The following SI variants were observed in gnomAD, a reference collection of about 807,000 sequenced individuals.
The protein encoded by SI is sucrase-isomaltase, also known as sucrase-isomaltase, intestinal.
Under a neutral mutation model 253.3 loss-of-function variants are expected in SI, and 235 were observed. The ratio of observed to expected loss-of-function variants is 0.93; its 90% CI spans 0.83 to 1.03. SI has a LOEUF of 1.03. SI is among the 50% of genes least tolerant of loss of function. SI has a pLI of 0.00. For missense variants in SI, 2,442 were observed against 2,211.1 expected (o/e 1.10, Z -2.09); for synonymous variants, 819 against 712.0 (o/e 1.15, Z -2.39).
chr3:164,992,880 A>T (rs913465717), intron 41 of SI, among the ~76,000 whole-genome samples: 1 of 151,826 alleles, frequency 6.6e-6, no homozygotes, highest in African/African-American at 2.4e-5. Flanking sequence ...TAACATGTTA[A>T]TGGATTTCTG....
rs1401165760 is a variant in SI at position 165,026,998 on chromosome 3, CA to C, written c.2893-3223del. 2.0e-5 allele frequency among the ~76,000 whole-genome samples: 3 copies of C among 150,656 alleles called. No individual in the cohort carries two copies. In the Admixed American group the frequency reaches 2.0e-4, roughly 10 times the overall value. On this transcript the variant is annotated intron_variant, in intron 25 of 47. Coordinates refer to ENST00000264382, the MANE Select transcript of SI (RefSeq NM_001041.4). ...GGAGCATAACTAAATGAAATTGAAA[CA>C]AAAAAATACAAAAGACAACTGAAAC...
At chr3:165,017,508 T>C (rs202231057) in intron 31 of SI, 40 bp downstream of exon 31, 306 of 1,577,304 alleles carry the variant, frequency 1.9e-4, no homozygotes, top group Non-Finnish European at 2.5e-4. Flanking sequence ...TACTTTTACG[T>C]ATTCCATATT....
intron 40 of SI, among the ~76,000 whole-genome samples, chr3:164,996,132 A>G (rs930286789): frequency 1.1e-4 from 17 of 151,600 alleles, no homozygotes; most frequent in African/African-American, 3.9e-4. Flanking sequence ...ATTTCTACCC[A>G]AGTTTCCAGT....
At chr3:165,083,991 C>T in the SI span, among the ~76,000 whole-genome samples, 3 of 151,948 alleles carry the variant, frequency 2.0e-5, no homozygotes, top group African/African-American at 7.2e-5. Context: ...TTGGATGGTG[C>T]TATGGTCTGA....
At chr3:165,025,248 C>A (rs1200607476) in intron 25 of SI, among the ~76,000 whole-genome samples, 3 of 151,066 alleles carry the variant, frequency 2.0e-5, no homozygotes, top group Admixed American at 1.3e-4. Flanking sequence ...GAGGAAAGAA[C>A]TTCAGAGCTT....
rs772385303 is a variant in SI at position 165,049,157 on chromosome 3, T to A, written c.1685A>T (p.Tyr562Phe). The A allele has an allele frequency of 8.7e-6, 14 of 1,603,980 alleles. No homozygotes were observed. Among genetic ancestry groups the A allele is most frequent in the Non-Finnish European group, 1.1e-5 (13 of 1,170,976 alleles). The stretch of plus-strand genomic sequence containing the variant: ...TGTGGCTATAGCCATGCTGTATCCA[T>A]AGAGGCTATGAACATCATACTGTTT... ...WGKQYDVHSL[Y>F]GYSMAIATEQ... is the part of the protein sequence containing the mutation. Residue 562 changes from tyrosine (Y) to phenylalanine (F), a missense_variant, in exon 15 of 48, where the codon TAT (tyrosine) becomes TTT (phenylalanine). Tyr to Phe is a conservative substitution (Grantham distance 22, BLOSUM62 3). Coordinates refer to ENST00000264382, the MANE Select transcript of SI (RefSeq NM_001041.4).
At position 165,018,079 on chromosome 3, in the gene SI, A is replaced by C; in HGVS notation, c.3424-13T>G. Reference sequence around the variant, plus strand: ...AATTAAGTTTGTACTGAAATACGAAAAATAAGCACAATATATTTTAAGTAA... The same window carrying C: ...AATTAAGTTTGTACTGAAATACGAACAATAAGCACAATATATTTTAAGTAA... On this transcript the variant is annotated splice_polypyrimidine_tract_variant and intron_variant, in intron 28 of 47. Transcript: ENST00000264382. 7.2e-7 allele frequency: 1 copy of C among 1,382,488 alleles called. No homozygotes were observed. The highest frequency in any genetic ancestry group is 1.0e-6 in the Non-Finnish European group (1 of 969,248). 85.6% of individuals were successfully genotyped at this position (1,382,488 alleles called of 1,614,324 possible).
At chr3:164,998,799 G>A in intron 37 of SI, 126 bp from the exon 38 acceptor site, 1 of 799,940 alleles carries the variant, frequency 1.3e-6, no homozygotes, top group Non-Finnish European at 2.1e-6. Context: ...TATTACAACT[G>A]GCTCTTGATA....
At chr3:165,089,087 CTTTTTTT>C in the SI span, among the ~76,000 whole-genome samples, 1 of 46,346 alleles carries the variant, frequency 2.2e-5, no homozygotes. Flanking sequence ...TTTCTTTTTT[CTTTTTTT>C]TTTAATTAAA....
intron 47 of SI, among the ~76,000 whole-genome samples, chr3:164,981,317 T>G (rs1044858156): frequency 6.6e-6 from 1 of 151,928 alleles, no homozygotes; most frequent in African/African-American, 2.4e-5. Flanking sequence ...GTAGGATGGG[T>G]GTTGAGTTTC....
At chr3:165,004,858 C>T (rs1379002856) in intron 37 of SI, among the ~76,000 whole-genome samples, 2 of 152,004 alleles carry the variant, frequency 1.3e-5, no homozygotes, top group African/African-American at 2.4e-5. Context: ...CTTTGTGATC[C>T]CACCCAAATC....
intron 1 of SI, among the ~76,000 whole-genome samples, chr3:165,077,557 T>A (rs1303224719): frequency 6.6e-6 from 1 of 151,654 alleles, no homozygotes; most frequent in African/African-American, 2.4e-5. Flanking sequence ...GTTTATTGCA[T>A]CAGTAATTTT....
At chr3:165,012,533 A>G (rs1223435859) in intron 34 of SI, among the ~76,000 whole-genome samples, 2 of 152,034 alleles carry the variant, frequency 1.3e-5, no homozygotes, top group Admixed American at 6.6e-5. Flanking sequence ...GGTTAACACC[A>G]TTCTCCTGCC....
chr3:165,085,957 A>G, the SI span, among the ~76,000 whole-genome samples: 1 of 152,132 alleles, frequency 6.6e-6, no homozygotes, highest in Non-Finnish European at 1.5e-5. Flanking sequence ...CTCAAATTAT[A>G]TTAAAAGAAA....
At chr3:165,044,274 T>G (rs185001373) in intron 16 of SI, among the ~76,000 whole-genome samples, 1 of 152,032 alleles carries the variant, frequency 6.6e-6, no homozygotes, top group African/African-American at 2.4e-5. Flanking sequence ...CTTGTGAATA[T>G]GTAAAAAACA....
At chr3:165,028,820 A>G (rs189344714) in intron 25 of SI, among the ~76,000 whole-genome samples, 1 of 151,378 alleles carries the variant, frequency 6.6e-6, no homozygotes, top group Non-Finnish European at 1.5e-5. Flanking sequence ...ATCTAAGACC[A>G]GAAACTACAA....
intron 37 of SI, among the ~76,000 whole-genome samples, chr3:165,005,010 C>T (rs1342217000): frequency 6.6e-6 from 1 of 152,074 alleles, no homozygotes; most frequent in African/African-American, 2.4e-5. Context: ...TATGGCAGTT[C>T]TCCCATCACT....
rs778791426 is a variant in SI at position 165,046,995 on chromosome 3, A to G, written c.1733T>C (p.Phe578Ser). 1.2e-6 allele frequency: 2 copies of G among 1,608,258 alleles called. No individual in the cohort carries two copies. The highest frequency in any genetic ancestry group is 1.1e-5 in the South Asian group (1 of 89,814). ...IATEQAVQKV[F>S]PNKRSFILTR... ...AAGAATGAAGCTTCTCTTATTAGGAAAAACTTTTTGTACAGCTCTAAAAAT... is the reference window on the plus strand; with the variant it reads ...AAGAATGAAGCTTCTCTTATTAGGAGAAACTTTTTGTACAGCTCTAAAAAT... Residue 578 changes from phenylalanine (F) to serine (S), a missense_variant, in exon 16 of 48, where the codon TTT becomes TCT. Physicochemically the swap from Phe to Ser is radical, Grantham distance 155. Transcript: ENST00000264382.
chr3:165,076,770 A>G (rs1715007026), intron 1 of SI, among the ~76,000 whole-genome samples: 2 of 151,728 alleles, frequency 1.3e-5, no homozygotes, highest in African/African-American at 2.4e-5. Context: ...ACAGGAAAGA[A>G]CACATCTCCA....
Sources: allele counts gnomAD v4.1 joint callset (sites outside exome capture counted in the v4.1 genomes callset), GRCh38; gene constraint gnomAD v4.1.1; transcripts MANE v1.5; gene names NCBI Gene and HGNC (gene_info 2026-07-23, HGNC 2026-07-21).